The following PPARGC1A variants were observed in gnomAD, a reference collection of about 807,000 sequenced individuals.
The protein encoded by PPARGC1A is PPARG coactivator 1 alpha.
A neutral mutation model predicts 88.7 loss-of-function variants in PPARGC1A; 25 were observed. That is an observed-to-expected ratio of 0.28 (90% CI 0.21 to 0.39). The LOEUF (loss-of-function observed/expected upper bound fraction) is 0.39. PPARGC1A is among the 10% of genes least tolerant of loss of function. The probability of loss-of-function intolerance (pLI) is 1.00; values close to 1 mark genes in which losing one functional copy is unlikely to be tolerated. For missense variants in PPARGC1A, 880 were observed against 968.7 expected (o/e 0.91, Z 1.22); for synonymous variants, 363 against 355.6 (o/e 1.02, Z -0.24).
At chr4:24,171,498 C>T in the PPARGC1A span, among the ~76,000 whole-genome samples, 1 of 152,044 alleles carries the variant, frequency 6.6e-6, no homozygotes, top group African/African-American at 2.4e-5. Flanking sequence ...CACCACCAAA[C>T]GTACTATATA....
the PPARGC1A span, among the ~76,000 whole-genome samples, chr4:24,089,514 C>CTTTTCTTTTCTTTTCTTTCT: frequency 2.6e-5 from 1 of 38,680 alleles, no homozygotes; most frequent in Non-Finnish European, 8.5e-5. Flanking sequence ...TCTTTTCTTT[C>CTTTTCTTTTCTTTTCTTTCT]TTTTTTTTTT....
chr4:24,400,783 G>T, the PPARGC1A span, among the ~76,000 whole-genome samples: 1 of 152,132 alleles, frequency 6.6e-6, no homozygotes, highest in Non-Finnish European at 1.5e-5. Flanking sequence ...ATGATGGTGG[G>T]GAGGATGATG....
At chr4:24,150,998 C>T in the PPARGC1A span, among the ~76,000 whole-genome samples, 1 of 152,192 alleles carries the variant, frequency 6.6e-6, no homozygotes, top group African/African-American at 2.4e-5. Flanking sequence ...TGTGATTCCC[C>T]AGTTCTGGGA....
the PPARGC1A span, among the ~76,000 whole-genome samples, chr4:23,952,530 C>A: frequency 6.6e-6 from 1 of 152,204 alleles, no homozygotes; most frequent in East Asian, 1.9e-4. Context: ...CACCATAACT[C>A]CAGTTCTCAT....
chr4:24,269,901 T>C, the PPARGC1A span, among the ~76,000 whole-genome samples: 6,810 of 152,302 alleles, frequency 0.045, 224 homozygotes, highest in Admixed American at 0.1. Context: ...ATGGACATAA[T>C]AGAACTTAAC....
At chr4:23,827,109 T>A (rs1241368380) in intron 5 of PPARGC1A, among the ~76,000 whole-genome samples, 1 of 152,148 alleles carries the variant, frequency 6.6e-6, no homozygotes, top group African/African-American at 2.4e-5. Context: ...ATGAGGAAGA[T>A]CCAGCTGGAG....
chr4:23,886,799 G>C (rs149000255), intron 1 of PPARGC1A, among the ~76,000 whole-genome samples: 47 of 151,608 alleles, frequency 3.1e-4, no homozygotes, highest in African/African-American at 1.1e-3. Context: ...TTCAGAGATG[G>C]GGGAGAACTT....
the PPARGC1A span, among the ~76,000 whole-genome samples, chr4:24,425,026 A>G: frequency 5.9e-5 from 9 of 152,238 alleles, no homozygotes; most frequent in Non-Finnish European, 2.9e-5. Flanking sequence ...CTGATTATGC[A>G]TATAATTACA....
chr4:24,201,052 T>C, the PPARGC1A span, among the ~76,000 whole-genome samples: 1 of 152,210 alleles, frequency 6.6e-6, no homozygotes, highest in Non-Finnish European at 1.5e-5. Context: ...CAAGACTCCC[T>C]ACTTCAATGA....
the PPARGC1A span, among the ~76,000 whole-genome samples, chr4:24,169,714 A>G: frequency 1.3e-5 from 2 of 152,242 alleles, no homozygotes; most frequent in African/African-American, 4.8e-5. Flanking sequence ...TACTAAAAAT[A>G]TAAAAATTAG....
At chr4:24,191,485 T>G in the PPARGC1A span, among the ~76,000 whole-genome samples, 37 of 152,344 alleles carry the variant, frequency 2.4e-4, no homozygotes, top group East Asian at 7.1e-3. Context: ...GTCTCGCCTT[T>G]GCATGCTTTC....
chr4:24,242,962 G>A, the PPARGC1A span, among the ~76,000 whole-genome samples: 1 of 152,132 alleles, frequency 6.6e-6, no homozygotes, highest in Non-Finnish European at 1.5e-5. Flanking sequence ...CTCAGCTGGA[G>A]TCAAATTTTA....
the PPARGC1A span, among the ~76,000 whole-genome samples, chr4:24,066,539 G>T: frequency 6.6e-6 from 1 of 152,142 alleles, no homozygotes; most frequent in African/African-American, 2.4e-5. Flanking sequence ...AAGAATATTA[G>T]TTAGGAGTCT....
At chr4:24,437,447 C>A in the PPARGC1A span, among the ~76,000 whole-genome samples, 1 of 152,112 alleles carries the variant, frequency 6.6e-6, no homozygotes, top group Non-Finnish European at 1.5e-5. Context: ...GGCTTGGTAT[C>A]CAAGATTTAG....
At chr4:23,931,880 C>T in the PPARGC1A span, among the ~76,000 whole-genome samples, 1 of 152,108 alleles carries the variant, frequency 6.6e-6, no homozygotes, top group Non-Finnish European at 1.5e-5. Flanking sequence ...CAGCACTTAC[C>T]ATGGTGTGAC....
the PPARGC1A span, among the ~76,000 whole-genome samples, chr4:24,370,089 T>C: frequency 6.6e-6 from 1 of 152,254 alleles, no homozygotes; most frequent in Non-Finnish European, 1.5e-5. Flanking sequence ...GCTCACAGCC[T>C]TCAGCAGGCA....
chr4:24,201,010 A>G, the PPARGC1A span, among the ~76,000 whole-genome samples: 1 of 152,236 alleles, frequency 6.6e-6, no homozygotes, highest in African/African-American at 2.4e-5. Context: ...GTACCATTCT[A>G]CATGATAGGG....
At chr4:24,431,141 A>G in the PPARGC1A span, among the ~76,000 whole-genome samples, 259 of 148,814 alleles carry the variant, frequency 1.7e-3, 1 homozygote, top group African/African-American at 6.2e-3. Context: ...AAAAAAAAAA[A>G]AGAGAAAAAA....
the PPARGC1A span, among the ~76,000 whole-genome samples, chr4:24,447,484 T>G: frequency 6.6e-6 from 1 of 152,142 alleles, no homozygotes; most frequent in African/African-American, 2.4e-5. Context: ...GGTGAGTCAG[T>G]GCATAAAGGG....
Sources: allele counts gnomAD v4.1 joint callset (sites outside exome capture counted in the v4.1 genomes callset), GRCh38; gene constraint gnomAD v4.1.1; transcripts MANE v1.5; gene names NCBI Gene and HGNC (gene_info 2026-07-23, HGNC 2026-07-21).